The following ANKRD11 variants were observed in gnomAD, a reference collection of about 807,000 sequenced individuals.
ANKRD11 encodes the protein ankyrin repeat domain 11.
Under a neutral mutation model 195.7 loss-of-function variants are expected in ANKRD11, and 17 were observed. That is an observed-to-expected ratio of 0.09 (90% CI 0.06 to 0.13). The LOEUF (loss-of-function observed/expected upper bound fraction) is 0.13, where lower values mean the gene tolerates loss of function less well. Among genes scored for constraint, ANKRD11 ranks in the 10% least tolerant of loss-of-function variants. The probability of loss-of-function intolerance (pLI) is 1.00; values close to 1 mark genes in which losing one functional copy is unlikely to be tolerated. For missense variants in ANKRD11, 3,735 were observed against 3,566.1 expected, an observed-to-expected ratio of 1.05 and a Z score of -1.21; for synonymous variants, 1,953 against 1,528.1, an observed-to-expected ratio of 1.28 and a Z score of -6.49.
In ANKRD11 at chr16:89,281,583, C is replaced by A. The variant is rs772191866; in HGVS notation, c.4959G>T (p.Lys1653Asn). Reference sequence around the variant, plus strand: ...GTGGAATAGGAGTCGACTCTTTGAGCTTTTTGTCTTTAAATGGAGGGTCCA... The same window carrying A: ...GTGGAATAGGAGTCGACTCTTTGAGATTTTTGTCTTTAAATGGAGGGTCCA... ...PGLDPPFKDK[K>N]LKESTPIPPA... The change falls in exon 9 of 13, where the codon AAG becomes AAT. Residue 1653 changes from lysine (K) to asparagine (N), a missense_variant. Coordinates refer to ENST00000301030, the MANE Select transcript of ANKRD11 (RefSeq NM_013275.6). The surrounding 1 kb of genome is among the most constrained non-coding windows in gnomAD (Gnocchi z 5.5). 4.3e-6 allele frequency: 7 copies of A among 1,614,152 alleles called. No homozygotes were observed. The highest frequency in any genetic ancestry group is 5.9e-6 in the Non-Finnish European group (7 of 1,180,020).
chr16:89,297,990 GCAC>G (rs1311687684), intron 4 of ANKRD11: 1 of 140,766 alleles, frequency 7.1e-6, no homozygotes, highest in Admixed American at 7.0e-5. Flanking sequence ...GCCCTTGCCT[GCAC>G]AACCTCCATG....
chr16:89,405,773 G>T (rs28644774), intron 2 of ANKRD11, among the ~76,000 whole-genome samples: 1 of 151,764 alleles, frequency 6.6e-6, no homozygotes, highest in Non-Finnish European at 1.5e-5. Flanking sequence ...TGGGGCTTAG[G>T]GGTCAAATTC....
Position 89,285,516 on chromosome 16 carries a change from G to T in ANKRD11, c.1026C>A (p.Pro342=), listed in dbSNP as rs200484387. The change falls in exon 9 of 13, where the codon CCC becomes CCA. Residue 342 remains proline, a synonymous_variant. Coordinates refer to ENST00000301030, the MANE Select transcript of ANKRD11 (RefSeq NM_013275.6). This position sits in a 1 kb window ranked among gnomAD's most constrained non-coding sequence, Gnocchi z 5.6. Reference sequence around the variant, plus strand: ...CATCAAACTCATACTCGTCCTTGACGGGGGCCGTGGCCTTCTGTGGCTCTG... The same window carrying T: ...CATCAAACTCATACTCGTCCTTGACTGGGGCCGTGGCCTTCTGTGGCTCTG... The part of the protein sequence containing the change: ...KNPEPQKATA[P]VKDEYEFDED... The T allele has an allele frequency of 1.2e-6, 2 of 1,614,010 alleles. No individual in the cohort carries two copies. Among genetic ancestry groups the T allele is most frequent in the Admixed American group, 1.7e-5 (1 of 59,998 alleles).
chr16:89,315,488 G>A (rs1470233517), intron 3 of ANKRD11, among the ~76,000 whole-genome samples: 4 of 152,102 alleles, frequency 2.6e-5, no homozygotes, highest in Admixed American at 6.5e-5. Context: ...AGCAGGACAC[G>A]CCCATCACGA....
intron 2 of ANKRD11, among the ~76,000 whole-genome samples, chr16:89,331,953 C>T (rs906164643): frequency 6.6e-6 from 1 of 152,112 alleles, no homozygotes; most frequent in Non-Finnish European, 1.5e-5. Flanking sequence ...GTGTTCACCA[C>T]ACTCTCTCTT....
chr16:89,461,224 T>C (rs1017575101), intron 1 of ANKRD11, among the ~76,000 whole-genome samples: 1 of 134,554 alleles, frequency 7.4e-6, no homozygotes, highest in African/African-American at 2.8e-5. Flanking sequence ...AGTGGTGACA[T>C]TCATAAGAGA....
intron 2 of ANKRD11, chr16:89,323,191 A>T: frequency 1.5e-6 from 1 of 685,900 alleles, no homozygotes; most frequent in Non-Finnish European, 2.2e-6. Flanking sequence ...CACACCTCAC[A>T]GGGAGAGAAG....
At chr16:89,448,767 A>T (rs1404311877) in intron 1 of ANKRD11, among the ~76,000 whole-genome samples, 1 of 152,184 alleles carries the variant, frequency 6.6e-6, no homozygotes, top group East Asian at 1.9e-4. Flanking sequence ...GTGCTGGACT[A>T]GCAGTCCTAG....
At position 89,280,254 on chromosome 16, in the gene ANKRD11, C is replaced by T. The variant is rs1334696923; in HGVS notation, c.6288G>A (p.Gly2096=). 1 of 1,608,496 alleles carries T rather than the reference C, an allele frequency of 6.2e-7. No homozygotes were observed. The highest frequency in any genetic ancestry group is 1.3e-5 in the African/African-American group (1 of 75,020). The stretch of plus-strand genomic sequence containing the variant: ...CGTCCAGGAAGCTATTTTCCAGGGG[C>T]CCCAGAGCCTCCACCTGAGCCACAG... The part of the protein sequence containing the change: ...VAAVAQVEAL[G]PLENSFLDGS... Residue 2096 remains glycine, a synonymous_variant, in exon 9 of 13, where the codon GGG becomes GGA. Transcript: ENST00000301030.
chr16:89,278,643 C>G (rs1373899593), intron 9 of ANKRD11: 1 of 462,034 alleles, frequency 2.2e-6, no homozygotes, highest in African/African-American at 2.0e-5. Context: ...ACTCATCGTG[C>G]AGGTATGGAG....
At chr16:89,453,220 G>C (rs1416449888) in intron 1 of ANKRD11, among the ~76,000 whole-genome samples, 1 of 152,088 alleles carries the variant, frequency 6.6e-6, no homozygotes, top group East Asian at 1.9e-4. Flanking sequence ...GCATTTCTTA[G>C]ATACTCACTA....
At position 89,408,340 on chromosome 16, in the gene ANKRD11, A is replaced by C. The variant is rs117726735; in HGVS notation, c.-60+9944T>G. On this transcript the variant is annotated intron_variant, in intron 2 of 12. Coordinates refer to ENST00000301030, the MANE Select transcript of ANKRD11 (RefSeq NM_013275.6). Reference sequence around the variant, plus strand: ...ATGGTGACCAGGACAAAGAGGCGTGAAGCTGGCAAAACCACCAGGTTTGAT... The same window carrying C: ...ATGGTGACCAGGACAAAGAGGCGTGCAGCTGGCAAAACCACCAGGTTTGAT... 2.3e-4 allele frequency among the ~76,000 whole-genome samples: 35 copies of C among 152,376 alleles called. No individual in the cohort carries two copies. In the East Asian group the frequency reaches 6.8e-3, roughly 29 times the overall value.
chr16:89,314,161 C>G (rs1205988674), intron 3 of ANKRD11, among the ~76,000 whole-genome samples: 1 of 151,762 alleles, frequency 6.6e-6, no homozygotes, highest in Admixed American at 6.6e-5. Context: ...GGCAGTGGGG[C>G]AGGGTGGGGG....
At position 89,281,562 on chromosome 16, in the gene ANKRD11, A is replaced by G. The variant is rs765765688; in HGVS notation, c.4980T>C (p.Ile1660=). 1 of 1,614,172 alleles carries G rather than the reference A, an allele frequency of 6.2e-7. No homozygotes were observed. Among genetic ancestry groups the G allele is most frequent in the Non-Finnish European group, 8.5e-7 (1 of 1,180,022 alleles). ...KDKKLKESTP[I]PPAAENKLHP... is the part of the protein sequence containing the mutation. ...GTAGCTTATTTTCCGCGGCAGGTGG[A>G]ATAGGAGTCGACTCTTTGAGCTTTT... is the stretch of plus-strand genomic sequence containing the variant. Residue 1660 remains isoleucine (I), a synonymous_variant, in exon 9 of 13, where the codon ATT becomes ATC. Transcript: ENST00000301030. The surrounding 1 kb of genome is among the most constrained non-coding windows in gnomAD (Gnocchi z 5.5).
At chr16:89,355,126 C>T (rs902062114) in intron 2 of ANKRD11, among the ~76,000 whole-genome samples, 1 of 152,212 alleles carries the variant, frequency 6.6e-6, no homozygotes, top group East Asian at 1.9e-4. Flanking sequence ...CCTGTGGTCT[C>T]CCGTCTGGCC....
At chr16:89,332,198 C>G (rs1054916898) in intron 2 of ANKRD11, among the ~76,000 whole-genome samples, 1 of 152,088 alleles carries the variant, frequency 6.6e-6, no homozygotes, top group African/African-American at 2.4e-5. Context: ...AAATGACTTC[C>G]TTACGTATTA....
At chr16:89,361,011 C>A (rs1349941549) in intron 2 of ANKRD11, among the ~76,000 whole-genome samples, 1 of 152,194 alleles carries the variant, frequency 6.6e-6, no homozygotes, top group African/African-American at 2.4e-5. Flanking sequence ...CCAACTCACA[C>A]AGTGAACGAC....
chr16:89,461,021 G>C (rs1460390609), intron 1 of ANKRD11, among the ~76,000 whole-genome samples: 1 of 113,676 alleles, frequency 8.8e-6, no homozygotes, highest in Non-Finnish European at 1.6e-5. Flanking sequence ...CATAACAGAA[G>C]AAAGGACAAA....
chr16:89,377,347 T>C (rs2040466254), intron 2 of ANKRD11, among the ~76,000 whole-genome samples: 1 of 152,048 alleles, frequency 6.6e-6, no homozygotes, highest in African/African-American at 2.4e-5. Flanking sequence ...GAGAAAGCCA[T>C]GAAAGCTGTC....
Sources: allele counts gnomAD v4.1 joint callset (sites outside exome capture counted in the v4.1 genomes callset), GRCh38; gene constraint gnomAD v4.1.1; non-coding constraint Gnocchi (gnomAD v3.1); transcripts MANE v1.5; gene names NCBI Gene and HGNC (gene_info 2026-07-23, HGNC 2026-07-21).